Variants in LIPK observed in about 807,000 individuals in gnomAD.
LIPK encodes lipase family member K.
Under a neutral mutation model 48.6 loss-of-function variants are expected in LIPK, and 32 were observed. The observed-to-expected ratio is 0.66, with a 90% CI of 0.50 to 0.88. The LOEUF is 0.88. Among genes scored for constraint, LIPK ranks in the 40% least tolerant of loss-of-function variants. The pLI is 0.00. For missense variants in LIPK, 507 were observed against 478.5 expected (o/e 1.06, Z -0.56); for synonymous variants, 164 against 157.4 (o/e 1.04, Z -0.32).
chr10:88,726,564 G>A (rs914456877), intron 2 of LIPK, among the ~76,000 whole-genome samples: 2 of 152,104 alleles, frequency 1.3e-5, no homozygotes, highest in Non-Finnish European at 1.5e-5. Context: ...CATTGGGACA[G>A]GTGCCTTTAG....
rs1275424585 is a variant in LIPK, at chr10:88,724,524, C to T, written c.-11-9C>T. 1.3e-6 allele frequency: 2 copies of T among 1,513,230 alleles called. No homozygotes were observed. The highest frequency in any genetic ancestry group is 9.0e-7 in the Non-Finnish European group (1 of 1,112,836). 93.7% of individuals were successfully genotyped at this position (1,513,230 alleles called of 1,614,324 possible). A position where few individuals can be genotyped will look rare whatever the true frequency, so the allele number is the denominator to read the frequency against. ...TTTGATGACAAATATATTAAATTTC[C>T]TTTCCTAGGCAGATCCCAAATGTGG... is the stretch of plus-strand genomic sequence containing the variant. On this transcript the variant is annotated splice_polypyrimidine_tract_variant and intron_variant, in intron 1 of 9. Transcript: ENST00000404190.
intron 1 of LIPK, among the ~76,000 whole-genome samples, chr10:88,718,446 C>T (rs917126184): frequency 7.3e-5 from 11 of 151,376 alleles, no homozygotes; most frequent in Non-Finnish European, 1.5e-4. Context: ...ATTTTGCTTA[C>T]ATTTTATTGT....
chr10:88,715,715 C>T (rs1842103529), intron 1 of LIPK, among the ~76,000 whole-genome samples: 1 of 151,606 alleles, frequency 6.6e-6, no homozygotes, highest in African/African-American at 2.4e-5. Context: ...CTCTTTCTTC[C>T]TTTTCTTTCT....
Position 88,737,685 on chromosome 10 carries a change from C to A in LIPK, c.720C>A (p.Phe240Leu). 6.2e-7 allele frequency: 1 copy of A among 1,613,802 alleles called. No homozygotes were observed. ...MFHPHTLFDQ[F>L]IATKVCNRKL... is the part of the protein sequence containing the mutation. ...ACCCTCATACATTGTTTGACCAATT[C>A]ATTGCCACCAAAGTGTGCAATCGAA... The change falls in exon 7 of 10, where the codon TTC becomes TTA. Residue 240 changes from phenylalanine to leucine, a missense_variant. Coordinates refer to ENST00000404190, the MANE Select transcript of LIPK (RefSeq NM_001080518.2).
chr10:88,718,463 T>C (rs1202506173), intron 1 of LIPK, among the ~76,000 whole-genome samples: 1 of 151,678 alleles, frequency 6.6e-6, no homozygotes, highest in African/African-American at 2.4e-5. Context: ...TTGTGCATGT[T>C]GACATCAGCT....
chr10:88,745,732 A>G (rs1842755518), intron 9 of LIPK, among the ~76,000 whole-genome samples: 1 of 152,208 alleles, frequency 6.6e-6, no homozygotes, highest in African/African-American at 2.4e-5. Context: ...AAGCCTACAT[A>G]AGAACCAGCT....
intron 7 of LIPK, among the ~76,000 whole-genome samples, chr10:88,738,985 G>A (rs988316210): frequency 7.9e-5 from 12 of 152,130 alleles, no homozygotes; most frequent in African/African-American, 2.9e-4. Flanking sequence ...CTTATAAGTA[G>A]GTTAAAATAT....
chr10:88,730,971 T>C lies in LIPK; in HGVS notation c.224-12T>C, dbSNP rs392430. 335,318 of 1,544,056 alleles carry C rather than the reference T, an allele frequency of 0.22. 37,614 individuals are homozygous for C. Among genetic ancestry groups the C allele is most frequent in the East Asian group, 0.37 (15,960 of 42,562 alleles). On this transcript the variant is annotated splice_polypyrimidine_tract_variant and intron_variant, in intron 3 of 9. Coordinates refer to ENST00000404190, the MANE Select transcript of LIPK (RefSeq NM_001080518.2). ...GTTCAAATATGAAATTCTTGTTGCC[T>C]GTGTTTTGCAGCTCCAAAGCCTGCT...
At chr10:88,716,131 GA>G (rs1355079205) in intron 1 of LIPK, among the ~76,000 whole-genome samples, 1 of 151,928 alleles carries the variant, frequency 6.6e-6, no homozygotes, top group East Asian at 1.9e-4. Flanking sequence ...ACTCAAAAAT[GA>G]AAAACCAGGC....
At chr10:88,721,397 AG>A (rs1401552198) in intron 1 of LIPK, among the ~76,000 whole-genome samples, 1 of 152,222 alleles carries the variant, frequency 6.6e-6, no homozygotes, top group Non-Finnish European at 1.5e-5. Flanking sequence ...CCCTTGTAAG[AG>A]GTGCTGGAAG....
chr10:88,708,162 C>A (rs1841968600), intron 1 of LIPK, among the ~76,000 whole-genome samples: 1 of 152,094 alleles, frequency 6.6e-6, no homozygotes, highest in African/African-American at 2.4e-5. Flanking sequence ...GATGGAAGTA[C>A]TAAAACTTCT....
At chr10:88,744,204 C>T (rs960628848) in intron 9 of LIPK, among the ~76,000 whole-genome samples, 4 of 152,248 alleles carry the variant, frequency 2.6e-5, no homozygotes, top group African/African-American at 9.6e-5. Flanking sequence ...ACATGCCCAA[C>T]CAGAGTGCCT....
chr10:88,750,688 A>G (rs1298752111), intron 9 of LIPK, among the ~76,000 whole-genome samples: 4 of 152,102 alleles, frequency 2.6e-5, no homozygotes, highest in Non-Finnish European at 4.4e-5. Context: ...TTGAAAAACT[A>G]CCTATTGGGT....
At chr10:88,746,099 C>A (rs1161848327) in intron 9 of LIPK, among the ~76,000 whole-genome samples, 3 of 151,908 alleles carry the variant, frequency 2.0e-5, no homozygotes, top group Non-Finnish European at 4.4e-5. Flanking sequence ...ATATATGCAC[C>A]CAACACAGGA....
chr10:88,715,453 T>C (rs941026170), intron 1 of LIPK, among the ~76,000 whole-genome samples: 1 of 152,136 alleles, frequency 6.6e-6, no homozygotes, highest in African/African-American at 2.4e-5. Flanking sequence ...TGTTATAAAT[T>C]TGACAGCTTT....
At chr10:88,737,194 T>C (rs1194717780) in intron 6 of LIPK, among the ~76,000 whole-genome samples, 1 of 152,354 alleles carries the variant, frequency 6.6e-6, no homozygotes, top group South Asian at 2.1e-4. Flanking sequence ...GCATGTGCGC[T>C]AGATGCTAGG....
chr10:88,708,203 A>G (rs998042434), intron 1 of LIPK, among the ~76,000 whole-genome samples: 3 of 152,160 alleles, frequency 2.0e-5, no homozygotes, highest in African/African-American at 7.2e-5. Flanking sequence ...CATCTAGGAC[A>G]TTTACTCACA....
intron 2 of LIPK, 24 bp from the exon 3 acceptor site, chr10:88,726,771 A>T: frequency 2.9e-6 from 3 of 1,051,800 alleles, no homozygotes; most frequent in Non-Finnish European, 4.4e-6. Context: ...ACATGAAGGT[A>T]TATATTTCCT....
intron 1 of LIPK, among the ~76,000 whole-genome samples, chr10:88,721,496 C>T (rs1265555703): frequency 6.6e-6 from 1 of 152,204 alleles, no homozygotes; most frequent in Non-Finnish European, 1.5e-5. Flanking sequence ...CTTCTATATC[C>T]AGATCCATAT....
Sources: allele counts gnomAD v4.1 joint callset (sites outside exome capture counted in the v4.1 genomes callset), GRCh38; gene constraint gnomAD v4.1.1; transcripts MANE v1.5; gene names NCBI Gene and HGNC (gene_info 2026-07-23, HGNC 2026-07-21).